ADGRV1: variants seen among roughly 807,000 people sequenced by gnomAD.
ADGRV1 encodes adhesion G protein-coupled receptor V1.
A neutral mutation model predicts 596.2 loss-of-function variants in ADGRV1; 359 were observed. That is an observed-to-expected ratio of 0.60 (90% CI 0.55 to 0.66). The LOEUF (loss-of-function observed/expected upper bound fraction) is 0.66, where lower values mean the gene tolerates loss of function less well. Ranked by LOEUF, ADGRV1 falls within the 30% of genes least tolerant of loss-of-function variation. The pLI is 0.00. For synonymous variants in ADGRV1, 2,681 were observed against 2,679.2 expected (o/e 1.00, Z -0.02); for missense variants, 7,274 against 7,575.6 (o/e 0.96, Z 1.48).
intron 83 of ADGRV1, among the ~76,000 whole-genome samples, chr5:90,904,982 A>G (rs1276981474): frequency 6.6e-6 from 1 of 152,028 alleles, no homozygotes; most frequent in East Asian, 1.9e-4. Context: ...AGCACCATTT[A>G]TTAAAAAGAC....
At chr5:91,105,586 G>A (rs1791791171) in intron 87 of ADGRV1, among the ~76,000 whole-genome samples, 1 of 152,176 alleles carries the variant, frequency 6.6e-6, no homozygotes, top group Admixed American at 6.5e-5. Flanking sequence ...CTGATGATTA[G>A]TGATGCTGAG....
At chr5:90,750,836 G>A (rs1755166821) in intron 53 of ADGRV1, 139 bp downstream of exon 53, 7 of 585,044 alleles carry the variant, frequency 1.2e-5, no homozygotes, top group Non-Finnish European at 2.0e-5. Flanking sequence ...TTGTAGAGAG[G>A]GATACAATTT....
chr5:90,951,139 A>G (rs1561989383), intron 83 of ADGRV1, among the ~76,000 whole-genome samples: 1 of 152,164 alleles, frequency 6.6e-6, no homozygotes, highest in Non-Finnish European at 1.5e-5. Flanking sequence ...TCCAAGTAGG[A>G]AACATTTCAT....
intron 70 of ADGRV1, among the ~76,000 whole-genome samples, chr5:90,802,004 A>C (rs543597939): frequency 6.6e-6 from 1 of 152,280 alleles, no homozygotes; most frequent in Non-Finnish European, 1.5e-5. Flanking sequence ...ATTAGTATTC[A>C]ATGAGGAGGA....
At chr5:91,150,798 A>G (rs1795986599) in intron 88 of ADGRV1, among the ~76,000 whole-genome samples, 4 of 152,160 alleles carry the variant, frequency 2.6e-5, no homozygotes, top group Admixed American at 2.6e-4. Flanking sequence ...CCTCTGTACA[A>G]ATCTACCTCC....
At chr5:90,595,768 G>T (rs1481784897) in intron 1 of ADGRV1, among the ~76,000 whole-genome samples, 5 of 142,822 alleles carry the variant, frequency 3.5e-5, no homozygotes, top group Non-Finnish European at 1.5e-5. Context: ...TCCCGGACGG[G>T]GTGGCTGGCC....
At position 90,817,221 on chromosome 5, in the gene ADGRV1, T is replaced by A. The variant is rs1581215515; in HGVS notation, c.16196+1485T>A. Among the ~76,000 whole-genome samples the A allele has an allele frequency of 4.6e-5, 7 of 151,394 alleles. No homozygotes were observed. The East Asian group carries it at 9.6e-4, about 21-fold the overall frequency. ...TGCATAAATGTCTTCTTTTGAGAAGTGTCTGTTCATGTCCTTCACCCACTT... is the reference window on the plus strand; with the variant it reads ...TGCATAAATGTCTTCTTTTGAGAAGAGTCTGTTCATGTCCTTCACCCACTT... On this transcript the variant is annotated intron_variant, in intron 75 of 89. Coordinates refer to ENST00000405460, the MANE Select transcript of ADGRV1 (RefSeq NM_032119.4).
chr5:90,956,735 ATTT>A (rs1362921771), intron 83 of ADGRV1, among the ~76,000 whole-genome samples: 3 of 152,058 alleles, frequency 2.0e-5, no homozygotes, highest in African/African-American at 7.2e-5. Context: ...GGCTTTAGTG[ATTT>A]TTGGAGTACA....
intron 57 of ADGRV1, 105 bp downstream of exon 57, chr5:90,757,266 C>A: frequency 2.6e-6 from 2 of 782,906 alleles, no homozygotes; most frequent in South Asian, 1.9e-5. Flanking sequence ...GCATTATACT[C>A]TAAATGTTTC....
intron 52 of ADGRV1, among the ~76,000 whole-genome samples, chr5:90,748,781 C>A (rs908502658): frequency 6.6e-6 from 1 of 150,742 alleles, no homozygotes; most frequent in Non-Finnish European, 1.5e-5. Context: ...TTCTTCATGA[C>A]ACTTATAATT....
At chr5:90,863,071 G>A (rs1767758806) in intron 82 of ADGRV1, among the ~76,000 whole-genome samples, 1 of 152,180 alleles carries the variant, frequency 6.6e-6, no homozygotes, top group Non-Finnish European at 1.5e-5. Flanking sequence ...GAGAATAAGA[G>A]TGGGGTAAAA....
intron 78 of ADGRV1, 127 bp downstream of exon 78, chr5:90,841,112 G>A (rs1765387840): frequency 1.5e-6 from 1 of 670,576 alleles, no homozygotes; most frequent in African/African-American, 1.8e-5. Flanking sequence ...TTAGATTTCT[G>A]AACATAGGAA....
chr5:90,779,093 G>C lies in ADGRV1; in HGVS notation c.13078G>C (p.Gly4360Arg), dbSNP rs759432022. Residue 4360 changes from glycine (G) to arginine (R), a missense_variant, in exon 64 of 90, where the codon GGA (glycine) becomes CGA (arginine). By Grantham distance (125) the Gly-to-Arg change is moderately radical. Around this residue, in one of 5 missense-constraint regions of ADGRV1, gnomAD observed 3,643 missense variants for 3,809.2 expected, o/e 0.96. Transcript: ENST00000405460. ...SLTITKVELQGRGYDFTIQEN... is the reference protein window; with the variant it reads ...SLTITKVELQRRGYDFTIQEN... ...AACAATTACAAAGGTGGAACTCCAG[G>C]GAAGGTAAAGGAGAAAGGCAATTAG... 6.3e-7 allele frequency: 1 copy of C among 1,581,798 alleles called. No individual in the cohort carries two copies. Among genetic ancestry groups the C allele is most frequent in the South Asian group, 1.1e-5 (1 of 90,098 alleles).
intron 70 of ADGRV1, among the ~76,000 whole-genome samples, chr5:90,801,156 T>C (rs2150181702): frequency 6.6e-6 from 1 of 152,258 alleles, no homozygotes; most frequent in African/African-American, 2.4e-5. Flanking sequence ...GAAGAGCGTA[T>C]TGAGAACATG....
At chr5:91,122,138 G>T (rs1036731406) in intron 87 of ADGRV1, among the ~76,000 whole-genome samples, 1 of 152,028 alleles carries the variant, frequency 6.6e-6, no homozygotes, top group Non-Finnish European at 1.5e-5. Context: ...GGGTCTTTCC[G>T]TGAAAAACAA....
chr5:90,726,637 C>T (rs1751821545), intron 48 of ADGRV1, among the ~76,000 whole-genome samples: 1 of 140,004 alleles, frequency 7.1e-6, no homozygotes, highest in South Asian at 2.4e-4. Flanking sequence ...TTCCTTTTCC[C>T]TTTCTCTCTC....
intron 83 of ADGRV1, among the ~76,000 whole-genome samples, chr5:90,963,136 G>C (rs1778170430): frequency 6.6e-6 from 1 of 152,032 alleles, no homozygotes; most frequent in African/African-American, 2.4e-5. Flanking sequence ...GAATTAGAAA[G>C]GCTTGAATTT....
intron 87 of ADGRV1, among the ~76,000 whole-genome samples, chr5:91,117,041 T>G (rs1444734992): frequency 6.6e-6 from 1 of 152,146 alleles, no homozygotes; most frequent in African/African-American, 2.4e-5. Context: ...TAATAGTAGG[T>G]AAGAAGTAGG....
At chr5:90,756,748 G>T in intron 56 of ADGRV1, 118 bp downstream of exon 56, 1 of 902,916 alleles carries the variant, frequency 1.1e-6, no homozygotes, top group Non-Finnish European at 1.6e-6. Flanking sequence ...AACCAAATTT[G>T]TCTTATAAAC....
Sources: allele counts gnomAD v4.1 joint callset (sites outside exome capture counted in the v4.1 genomes callset), GRCh38; gene constraint gnomAD v4.1.1; regional missense constraint gnomAD v4.1.1; transcripts MANE v1.5; gene names NCBI Gene and HGNC (gene_info 2026-07-23, HGNC 2026-07-21).